Variants in ADGRV1 observed in about 807,000 individuals in gnomAD.
ADGRV1 encodes adhesion G protein-coupled receptor V1.
In ADGRV1, 359 loss-of-function variants were observed where a neutral mutation model predicts 596.2. The observed-to-expected ratio is 0.60, with a 90% confidence interval of 0.55 to 0.66. The LOEUF is 0.66. ADGRV1 is among the 30% of genes least tolerant of loss of function. The pLI, the probability that ADGRV1 is intolerant of heterozygous loss-of-function variation, is 0.00. For missense variants in ADGRV1, 7,274 were observed against 7,575.6 expected (o/e 0.96, Z 1.48); for synonymous variants, 2,681 against 2,679.2 (o/e 1.00, Z -0.02).
chr5:90,887,884 A>G (rs77196083), intron 83 of ADGRV1, among the ~76,000 whole-genome samples: 1,692 of 152,180 alleles, frequency 0.011, 34 homozygotes, highest in African/African-American at 0.039. Context: ...TTTGTACCAC[A>G]GTTTTTTTAA....
At chr5:90,899,686 C>A (rs1561913598) in intron 83 of ADGRV1, among the ~76,000 whole-genome samples, 1 of 152,162 alleles carries the variant, frequency 6.6e-6, no homozygotes, top group East Asian at 1.9e-4. Context: ...CCTTCAGACA[C>A]TTTTTATTTT....
chr5:90,995,327 G>C (rs763667008), intron 85 of ADGRV1, among the ~76,000 whole-genome samples: 2 of 152,070 alleles, frequency 1.3e-5, no homozygotes, highest in Non-Finnish European at 2.9e-5. Context: ...GATTTTCTTT[G>C]GGACTGAAGC....
intron 75 of ADGRV1, among the ~76,000 whole-genome samples, chr5:90,816,195 C>A (rs1762874234): frequency 6.6e-6 from 1 of 152,076 alleles, no homozygotes; most frequent in South Asian, 2.1e-4. Context: ...GAATGTTGGT[C>A]TCCCTTTGCC....
In ADGRV1 at chr5:90,633,845, CT is replaced by C. The variant is rs375242203; in HGVS notation, c.1840-1266del. ...TTACCAAAACCAAAATTATTCATGTCTTTCTCCTGTATATGATTTTTTAAAG... is the reference window on the plus strand; with the variant it reads ...TTACCAAAACCAAAATTATTCATGTCTTCTCCTGTATATGATTTTTTAAAG... On this transcript the variant is annotated intron_variant, in intron 9 of 89. Transcript: ENST00000405460. Among the ~76,000 whole-genome samples, 17 of 152,134 alleles carry C rather than the reference CT, an allele frequency of 1.1e-4. No individual in the cohort carries two copies. The East Asian group carries it at 3.1e-3, about 28-fold the overall frequency.
At chr5:90,815,199 CACTT>C (rs1762782151) in intron 74 of ADGRV1, among the ~76,000 whole-genome samples, 1 of 152,130 alleles carries the variant, frequency 6.6e-6, no homozygotes, top group South Asian at 2.1e-4. Flanking sequence ...ATTTATTCAA[CACTT>C]ACTATATGCT....
intron 10 of ADGRV1, among the ~76,000 whole-genome samples, chr5:90,635,959 C>A (rs1766145706): frequency 6.7e-6 from 1 of 150,230 alleles, no homozygotes; most frequent in African/African-American, 2.5e-5. Flanking sequence ...GCTTGACCTA[C>A]TTCATTTCTG....
intron 25 of ADGRV1, among the ~76,000 whole-genome samples, chr5:90,679,186 C>G (rs1744621938): frequency 6.6e-6 from 1 of 151,806 alleles, no homozygotes; most frequent in Admixed American, 6.6e-5. Flanking sequence ...GCATATTAGG[C>G]CTAAGTGTAT....
chr5:91,011,381 T>A (rs1782706100), intron 85 of ADGRV1, among the ~76,000 whole-genome samples: 1 of 152,004 alleles, frequency 6.6e-6, no homozygotes, highest in Non-Finnish European at 1.5e-5. Context: ...TGGATTTGTC[T>A]TCTCTTCACA....
At position 90,844,729 on chromosome 5, in the gene ADGRV1, A is replaced by C. The variant is rs1443636488; in HGVS notation, c.17019+3744A>C. On this transcript the variant is annotated intron_variant, in intron 78 of 89. Transcript: ENST00000405460. ...GAAACACTTGAAAGAGCACAGGAATAATTAGTTCTGTAAAAGTTTGATAGA... is the reference window on the plus strand; with the variant it reads ...GAAACACTTGAAAGAGCACAGGAATCATTAGTTCTGTAAAAGTTTGATAGA... Among the ~76,000 whole-genome samples, 3 of 152,104 alleles carry C rather than the reference A, an allele frequency of 2.0e-5. No homozygotes were observed. In the East Asian group the frequency reaches 5.8e-4, roughly 29 times the overall value.
At position 90,753,700 on chromosome 5, in the gene ADGRV1, T is replaced by C. The variant is rs867800403; in HGVS notation, c.11248T>C (p.Ser3750Pro). Residue 3750 changes from serine (S) to proline (P), a missense_variant, in exon 54 of 90, where the codon TCA becomes CCA. Ser to Pro is a moderately conservative substitution (Grantham distance 74). Around this residue, in one of 5 missense-constraint regions of ADGRV1, gnomAD observed 3,643 missense variants for 3,809.2 expected, o/e 0.96. Coordinates refer to ENST00000405460, the MANE Select transcript of ADGRV1 (RefSeq NM_032119.4). ...TRITTEGVED[S>P]YKGATIDQDR... is the part of the protein sequence containing the mutation. ...TATCACCACAGAAGGGGTTGAGGAC[T>C]CATACAAAGGTGCTACTATTGATCA... 4 of 1,613,618 alleles carry C rather than the reference T, an allele frequency of 2.5e-6. No individual in the cohort carries two copies. Among genetic ancestry groups the C allele is most frequent in the Admixed American group, 1.7e-5 (1 of 59,956 alleles).
intron 84 of ADGRV1, among the ~76,000 whole-genome samples, chr5:90,984,267 C>G (rs765217032): frequency 1.3e-5 from 2 of 152,060 alleles, no homozygotes; most frequent in Non-Finnish European, 2.9e-5. Flanking sequence ...TTCTACCATA[C>G]AAAATTGAGA....
At chr5:91,003,391 A>T (rs1782000090) in intron 85 of ADGRV1, among the ~76,000 whole-genome samples, 1 of 152,190 alleles carries the variant, frequency 6.6e-6, no homozygotes, top group Non-Finnish European at 1.5e-5. Context: ...TTATCCACAG[A>T]TCCATAGCTG....
At chr5:90,873,816 A>AT (rs397998668) in intron 83 of ADGRV1, among the ~76,000 whole-genome samples, 5 of 150,268 alleles carry the variant, frequency 3.3e-5, no homozygotes, top group Admixed American at 1.3e-4. Context: ...AAAAAAAAAA[A>AT]CCTTAGTTAA....
intron 83 of ADGRV1, among the ~76,000 whole-genome samples, chr5:90,916,305 CTT>C (rs1486095967): frequency 3.9e-5 from 6 of 151,902 alleles, no homozygotes; most frequent in African/African-American, 9.7e-5. Flanking sequence ...TAATAACTGA[CTT>C]AACATTTAAA....
At chr5:91,077,276 A>G (rs972257152) in intron 86 of ADGRV1, among the ~76,000 whole-genome samples, 1 of 152,226 alleles carries the variant, frequency 6.6e-6, no homozygotes, top group Non-Finnish European at 1.5e-5. Flanking sequence ...AAGCAGGTAG[A>G]TGCAGGACAT....
At chr5:91,020,760 C>G (rs908191071) in intron 85 of ADGRV1, among the ~76,000 whole-genome samples, 6 of 151,964 alleles carry the variant, frequency 3.9e-5, no homozygotes, top group African/African-American at 1.2e-4. Context: ...TAGGAAGACA[C>G]TGGAAGAGGA....
intron 89 of ADGRV1, among the ~76,000 whole-genome samples, chr5:91,162,026 C>T (rs1796991289): frequency 2.0e-5 from 3 of 152,088 alleles, no homozygotes; most frequent in South Asian, 4.1e-4. Flanking sequence ...GATATGAAAG[C>T]CAAAGCAGAG....
At chr5:90,894,214 G>C (rs1771088594) in intron 83 of ADGRV1, among the ~76,000 whole-genome samples, 1 of 152,154 alleles carries the variant, frequency 6.6e-6, no homozygotes. Context: ...CCAAGGCAGA[G>C]CAGCAAGCTC....
intron 1 of ADGRV1, among the ~76,000 whole-genome samples, chr5:90,599,300 A>C (rs1040893648): frequency 1.3e-5 from 2 of 152,232 alleles, no homozygotes; most frequent in African/African-American, 4.8e-5. Flanking sequence ...AAAATGTTTT[A>C]TACAGCTCTC....
Sources: allele counts gnomAD v4.1 joint callset (sites outside exome capture counted in the v4.1 genomes callset), GRCh38; gene constraint gnomAD v4.1.1; regional missense constraint gnomAD v4.1.1; transcripts MANE v1.5; gene names NCBI Gene and HGNC (gene_info 2026-07-23, HGNC 2026-07-21).